The following PDE2A variants were observed in gnomAD, a reference collection of about 807,000 sequenced individuals.
PDE2A encodes the protein cGMP-dependent 3',5'-cyclic phosphodiesterase.
PDE2A carries 53 observed loss-of-function variants against 133.6 expected under a neutral mutation model. The observed-to-expected ratio is 0.40, with a 90% CI of 0.32 to 0.50. The LOEUF (loss-of-function observed/expected upper bound fraction) is 0.50. PDE2A is among the 20% of genes least tolerant of loss of function. The pLI is 0.73. For missense variants in PDE2A, 796 were observed against 1,232.4 expected (o/e 0.65, Z 5.30); for synonymous variants, 491 against 490.2 (o/e 1.00, Z -0.02).
rs891680176 is a variant in PDE2A, at chr11:72,578,630, G to A, written c.2470-116C>T. The A allele has an allele frequency of 5.4e-5, 51 of 939,458 alleles. No homozygotes were observed. The highest frequency in any genetic ancestry group is 1.9e-4 in the Admixed American group (10 of 53,546). The allele number at this position is 939,458 out of a possible 1,614,324, so 58.2% of individuals were successfully genotyped here. A position where few individuals can be genotyped will look rare whatever the true frequency, so the allele number is the denominator to read the frequency against. On this transcript the variant is annotated intron_variant, in intron 28 of 30. Coordinates refer to ENST00000334456, the MANE Select transcript of PDE2A (RefSeq NM_002599.5). The surrounding 1 kb of genome is among the most constrained non-coding windows in gnomAD (Gnocchi z 4.2). Reference sequence around the variant, plus strand: ...GCCCAGGGATTCAGTCCCAGCTCAGGAGCCGTCCCCACCAGCCCCAGCTTG... The same window carrying A: ...GCCCAGGGATTCAGTCCCAGCTCAGAAGCCGTCCCCACCAGCCCCAGCTTG...
At position 72,579,623 on chromosome 11, in the gene PDE2A, G is replaced by C; in HGVS notation, c.2182-15C>G. The C allele has an allele frequency of 6.3e-7, 1 of 1,598,488 alleles. No homozygotes were observed. Among genetic ancestry groups the C allele is most frequent in the Non-Finnish European group, 8.6e-7 (1 of 1,167,856 alleles). On this transcript the variant is annotated splice_polypyrimidine_tract_variant and intron_variant, in intron 25 of 30. Transcript: ENST00000334456. The stretch of plus-strand genomic sequence containing the variant: ...AAGTGGTGCCTCTGGGGGGAGAGGA[G>C]TGATGGGGGCCCAGCTGGGGCAGAT...
At chr11:72,664,574 C>G (rs1418363126) in intron 1 of PDE2A, among the ~76,000 whole-genome samples, 6 of 150,982 alleles carry the variant, frequency 4.0e-5, no homozygotes, top group South Asian at 4.2e-4. Flanking sequence ...GGGGTTTCAC[C>G]GTGTTAGCCA....
At chr11:72,610,165 C>G (rs1332780787) in intron 2 of PDE2A, among the ~76,000 whole-genome samples, 1 of 152,182 alleles carries the variant, frequency 6.6e-6, no homozygotes, top group Non-Finnish European at 1.5e-5. Flanking sequence ...CCAGGGTTAT[C>G]AGTCTCCAAC....
chr11:72,620,475 C>T (rs188869138), intron 2 of PDE2A, among the ~76,000 whole-genome samples: 81 of 152,262 alleles, frequency 5.3e-4, no homozygotes, highest in African/African-American at 1.9e-3. Context: ...CTCCCAGGAA[C>T]ACAAGCGAAC....
intron 1 of PDE2A, among the ~76,000 whole-genome samples, chr11:72,669,531 G>A (rs954581102): frequency 2.6e-4 from 40 of 152,096 alleles, no homozygotes; most frequent in African/African-American, 8.9e-4. Flanking sequence ...TAAATATATC[G>A]ACTTCCCAGG....
rs1475122864 is a variant in PDE2A at position 72,589,968 on chromosome 11, G to T, written c.770C>A (p.Thr257Asn). 1 of 1,612,448 alleles carries T rather than the reference G, an allele frequency of 6.2e-7. No individual in the cohort carries two copies. The highest frequency in any genetic ancestry group is 8.5e-7 in the Non-Finnish European group (1 of 1,179,578). Residue 257 changes from threonine (T) to asparagine (N), a missense_variant, in exon 10 of 31, where the codon ACC (threonine) becomes AAC (asparagine). Transcript: ENST00000334456. ...LKVLQYLQQE[T>N]RASRCCLLLV... ...CAGGAGGCAGCAGCGGGATGCCCGG[G>T]TCTCCTGCTGCAGCTGAGAGAGGGA... is the stretch of plus-strand genomic sequence containing the variant.
intron 2 of PDE2A, among the ~76,000 whole-genome samples, chr11:72,634,511 G>C (rs2135423578): frequency 6.6e-6 from 1 of 152,350 alleles, no homozygotes; most frequent in South Asian, 2.1e-4. Flanking sequence ...GCTTTGGTCT[G>C]TGAACCTACC....
chr11:72,579,781 G>C (rs891216638), intron 25 of PDE2A, 173 bp from the exon 26 acceptor site: 2 of 599,462 alleles, frequency 3.3e-6, no homozygotes, highest in African/African-American at 3.7e-5. Flanking sequence ...TCAACCCTCT[G>C]TGTGACCCAG....
At chr11:72,659,913 C>T (rs1291803897) in intron 1 of PDE2A, among the ~76,000 whole-genome samples, 1 of 152,188 alleles carries the variant, frequency 6.6e-6, no homozygotes, top group African/African-American at 2.4e-5. Flanking sequence ...AGCATCCCTT[C>T]CCCTGCCTGG....
rs1340789104 is a variant in PDE2A at position 72,596,714 on chromosome 11, A to AC, written c.434-67dup. The AC allele has an allele frequency of 2.8e-6, 3 of 1,079,254 alleles. No homozygotes were observed. The African/African-American group carries it at 4.9e-5, about 18-fold the overall frequency. The allele number at this position is 1,079,254 out of a possible 1,614,324, so 66.9% of individuals were successfully genotyped here. A position where few individuals can be genotyped will look rare whatever the true frequency, so the allele number is the denominator to read the frequency against. On this transcript the variant is annotated intron_variant, in intron 5 of 30. Coordinates refer to ENST00000334456, the MANE Select transcript of PDE2A (RefSeq NM_002599.5). ...CGAGGCTCAGAGATACCGAGCCGGG[A>AC]CCCAGGTGGGGGAGACAAAGATGCA...
intron 1 of PDE2A, among the ~76,000 whole-genome samples, chr11:72,664,364 A>ATTTTTTTTTTTTTTTTTTTTT (rs34217943): frequency 2.9e-5 from 2 of 70,104 alleles, no homozygotes; most frequent in African/African-American, 6.0e-5. Flanking sequence ...CCCTTGAAGG[A>ATTTTTTTTTTTTTTTTTTTTT]TTTTTTTTTT....
Position 72,597,744 on chromosome 11 carries a change from C to A in PDE2A, c.324-125G>T. 1.6e-6 allele frequency: 1 copy of A among 628,720 alleles called. No homozygotes were observed. The highest frequency in any genetic ancestry group is 1.9e-5 in the South Asian group (1 of 52,962). 38.9% of individuals were successfully genotyped at this position (628,720 alleles called of 1,614,324 possible). On this transcript the variant is annotated intron_variant, in intron 4 of 30. Transcript: ENST00000334456. The surrounding 1 kb of genome is among the most constrained non-coding windows in gnomAD (Gnocchi z 4.6). ...AGGATCTGGGCAAGCTGACCTGCCT[C>A]AGGTTGGACACGATGACAGCACAAG...
intron 25 of PDE2A, among the ~76,000 whole-genome samples, chr11:72,580,356 G>A (rs76633389): frequency 0.012 from 1,753 of 152,244 alleles, 36 homozygotes; most frequent in African/African-American, 0.04. Flanking sequence ...TTCCCAGGCA[G>A]CCAAAGGGAA....
Position 72,590,643 on chromosome 11 carries a change from G to C in PDE2A, c.550-63C>G. The stretch of plus-strand genomic sequence containing the variant: ...AAGCTCGCTGCGCTTGCTGCAGCGG[G>C]ATTCCTGCCTTTGCTCCCGCCGTTC... On this transcript the variant is annotated intron_variant, in intron 7 of 30. Transcript: ENST00000334456. The surrounding 1 kb of genome is among the most constrained non-coding windows in gnomAD (Gnocchi z 4.8). 7.6e-7 allele frequency: 1 copy of C among 1,307,240 alleles called. No homozygotes were observed. The highest frequency in any genetic ancestry group is 9.7e-7 in the Non-Finnish European group (1 of 1,026,658). The allele number at this position is 1,307,240 out of a possible 1,614,324, so 81.0% of individuals were successfully genotyped here.
intron 6 of PDE2A, among the ~76,000 whole-genome samples, chr11:72,594,228 G>C (rs1283406058): frequency 6.6e-6 from 1 of 152,252 alleles, no homozygotes; most frequent in Admixed American, 6.5e-5. Context: ...TGAATACTAA[G>C]AGCAGAGACT....
rs1374644620 is a variant in PDE2A, at chr11:72,611,417, T to C, written c.145-2666A>G. Among the ~76,000 whole-genome samples the C allele has an allele frequency of 2.6e-5, 4 of 152,278 alleles. No homozygotes were observed. In the East Asian group the frequency reaches 7.7e-4, roughly 29 times the overall value. Reference sequence around the variant, plus strand: ...TAGGGTGCTCAGAAAGAACAGTCTGTCCTTTATTCTGATTGGTGGACTCCT... The same window carrying C: ...TAGGGTGCTCAGAAAGAACAGTCTGCCCTTTATTCTGATTGGTGGACTCCT... On this transcript the variant is annotated intron_variant, in intron 2 of 30. Transcript: ENST00000334456.
rs1239867706 is a variant in PDE2A at position 72,577,473 on chromosome 11, G to A, written c.2737C>T (p.Leu913=). 1 of 1,614,012 alleles carries A rather than the reference G, an allele frequency of 6.2e-7. No individual in the cohort carries two copies. Among genetic ancestry groups the A allele is most frequent in the Non-Finnish European group, 8.5e-7 (1 of 1,180,006 alleles). ...TCGTACTCCTCATCCAGGAAGTCCA[G>A]CGAGTTGTTACTTGGGAGGCCGCGG... ...TIRGLPSNNS[L]DFLDEEYEVP... is the part of the protein sequence containing the mutation. The change falls in exon 31 of 31, where the codon CTG becomes TTG. Residue 913 remains leucine, a synonymous_variant. Coordinates refer to ENST00000334456, the MANE Select transcript of PDE2A (RefSeq NM_002599.5).
intron 1 of PDE2A, chr11:72,657,987 G>A (rs538571279): frequency 4.4e-6 from 2 of 456,348 alleles, no homozygotes; most frequent in Non-Finnish European, 8.8e-6. Context: ...GGAGGGAAGA[G>A]GGAGGGAGTT....
At chr11:72,652,994 C>T (rs370917958) in intron 1 of PDE2A, among the ~76,000 whole-genome samples, 26 of 152,354 alleles carry the variant, frequency 1.7e-4, no homozygotes, top group African/African-American at 6.3e-4. Flanking sequence ...AAAAGGCACT[C>T]GCTCAATCGG....
Sources: gnomAD v4.1 joint callset for allele counts (sites outside exome capture counted in the v4.1 genomes callset) on GRCh38, gnomAD v4.1.1 for gene constraint, Gnocchi (gnomAD v3.1) non-coding constraint, MANE v1.5 for transcripts, NCBI Gene and HGNC (gene_info 2026-07-23, HGNC 2026-07-21) for gene names.